The following NCALD variants were observed in gnomAD, a reference collection of about 807,000 sequenced individuals.
NCALD encodes the protein neurocalcin-delta.
Under a neutral mutation model 18.6 loss-of-function variants are expected in NCALD, and 10 were observed. The observed-to-expected ratio is 0.54, with a 90% CI of 0.33 to 0.91. The LOEUF is 0.91. Ranked by LOEUF, NCALD falls within the 40% of genes least tolerant of loss-of-function variation. NCALD has a pLI of 0.03. For synonymous variants in NCALD, 88 were observed against 87.4 expected (o/e 1.01, Z -0.04); for missense variants, 184 against 247.6 (o/e 0.74, Z 1.72).
intron 2 of NCALD, among the ~76,000 whole-genome samples, chr8:101,928,508 T>C (rs1818421165): frequency 6.6e-6 from 1 of 152,198 alleles, no homozygotes; most frequent in Admixed American, 6.5e-5. Flanking sequence ...TTAACCATTA[T>C]GAACATCAGA....
intron 2 of NCALD, among the ~76,000 whole-genome samples, chr8:101,935,043 CAAG>C (rs1261809796): frequency 6.6e-6 from 1 of 151,858 alleles, no homozygotes; most frequent in Non-Finnish European, 1.5e-5. Flanking sequence ...TTAAAGATCA[CAAG>C]AAGAATTAAA....
chr8:101,743,775 T>A (rs1225763406), intron 1 of NCALD, among the ~76,000 whole-genome samples: 1 of 152,182 alleles, frequency 6.6e-6, no homozygotes, highest in Non-Finnish European at 1.5e-5. Flanking sequence ...AAAAATGTCC[T>A]GAGGATGAGG....
chr8:102,059,978 T>A (rs534254635), intron 1 of NCALD, among the ~76,000 whole-genome samples: 8 of 152,098 alleles, frequency 5.3e-5, no homozygotes, highest in Non-Finnish European at 8.8e-5. Flanking sequence ...TGTTTTTGTT[T>A]TTTTGTTTTT....
intron 2 of NCALD, among the ~76,000 whole-genome samples, chr8:101,962,397 CTTGA>C (rs1316942101): frequency 6.6e-6 from 1 of 152,196 alleles, no homozygotes; most frequent in Non-Finnish European, 1.5e-5. Context: ...GCTTTCATTT[CTTGA>C]TTTGCTAAAG....
At chr8:101,739,216 C>T (rs936397072) in intron 1 of NCALD, among the ~76,000 whole-genome samples, 2 of 152,020 alleles carry the variant, frequency 1.3e-5, no homozygotes, top group Non-Finnish European at 2.9e-5. Context: ...GGCTCCTTAC[C>T]TCCTCATTAC....
chr8:102,038,698 C>T (rs1822953206), intron 1 of NCALD, among the ~76,000 whole-genome samples: 1 of 152,126 alleles, frequency 6.6e-6, no homozygotes, highest in Non-Finnish European at 1.5e-5. Flanking sequence ...TGGCTGAAAC[C>T]CCCAGGAGCT....
intron 2 of NCALD, among the ~76,000 whole-genome samples, chr8:101,968,125 A>C (rs1034318526): frequency 6.6e-6 from 1 of 152,142 alleles, no homozygotes; most frequent in Non-Finnish European, 1.5e-5. Context: ...AATGTCACCC[A>C]TCTACAGACC....
chr8:102,107,332 T>C (rs769664983), intron 1 of NCALD, among the ~76,000 whole-genome samples: 3 of 150,584 alleles, frequency 2.0e-5, no homozygotes, highest in Non-Finnish European at 3.0e-5. Context: ...TTGGATTTCT[T>C]AAGGAAAAAA....
chr8:102,024,889 C>T (rs2132115180), intron 1 of NCALD, among the ~76,000 whole-genome samples: 1 of 152,304 alleles, frequency 6.6e-6, no homozygotes, highest in South Asian at 2.1e-4. Context: ...ACAATGTCCT[C>T]CCTCACACCC....
intron 1 of NCALD, among the ~76,000 whole-genome samples, chr8:102,122,269 C>A (rs1468611527): frequency 6.6e-6 from 1 of 152,058 alleles, no homozygotes; most frequent in Non-Finnish European, 1.5e-5. Context: ...TGGGGGGAGG[C>A]TTGGGAGATG....
chr8:101,773,186 G>T (rs1811656397), intron 1 of NCALD, among the ~76,000 whole-genome samples: 2 of 152,024 alleles, frequency 1.3e-5, no homozygotes, highest in African/African-American at 4.8e-5. Flanking sequence ...CCATATCAGG[G>T]TCTACCAACT....
chr8:102,054,341 C>T (rs1009787257), intron 1 of NCALD, among the ~76,000 whole-genome samples: 1 of 151,988 alleles, frequency 6.6e-6, no homozygotes, highest in African/African-American at 2.4e-5. Flanking sequence ...CTTTTTAAAT[C>T]CGTAAATTAG....
chr8:102,012,637 G>A (rs1185621144), intron 2 of NCALD, among the ~76,000 whole-genome samples: 1 of 152,238 alleles, frequency 6.6e-6, no homozygotes, highest in Non-Finnish European at 1.5e-5. Context: ...GAGAAGCAAT[G>A]CAGAGGGATC....
intron 2 of NCALD, among the ~76,000 whole-genome samples, chr8:102,003,695 T>C (rs1821578369): frequency 6.6e-6 from 1 of 152,220 alleles, no homozygotes. Context: ...CAAGTGGGCT[T>C]CATCCCTGGG....
chr8:101,815,350 G>A (rs765347355), intron 4 of NCALD, among the ~76,000 whole-genome samples: 1 of 152,000 alleles, frequency 6.6e-6, no homozygotes. Flanking sequence ...AGGAGAAAAG[G>A]CAATACAATA....
intron 1 of NCALD, among the ~76,000 whole-genome samples, chr8:102,089,953 A>C (rs1460704467): frequency 6.6e-6 from 1 of 152,224 alleles, no homozygotes; most frequent in Non-Finnish European, 1.5e-5. Context: ...AAAAACTTGT[A>C]AAGGGTTATA....
chr8:102,072,563 AAAG>A (rs1211760385), intron 1 of NCALD, among the ~76,000 whole-genome samples: 29 of 152,264 alleles, frequency 1.9e-4, no homozygotes, highest in African/African-American at 6.3e-4. Flanking sequence ...TACTTAGAGA[AAAG>A]AAGAAAAGCC....
chr8:102,040,180 A>G (rs1158309924), intron 1 of NCALD, among the ~76,000 whole-genome samples: 2 of 152,166 alleles, frequency 1.3e-5, no homozygotes, highest in Admixed American at 6.5e-5. Context: ...TGCTATTTTT[A>G]TCAATGACAT....
intron 1 of NCALD, among the ~76,000 whole-genome samples, chr8:101,765,738 C>A (rs2130863094): frequency 2.0e-5 from 3 of 152,262 alleles, no homozygotes; most frequent in Admixed American, 2.0e-4. Context: ...TAAGGAAACT[C>A]CCTCGTTAAG....
Sources: gnomAD v4.1 joint callset for allele counts (sites outside exome capture counted in the v4.1 genomes callset) on GRCh38, gnomAD v4.1.1 for gene constraint, MANE v1.5 for transcripts, NCBI Gene and HGNC (gene_info 2026-07-23, HGNC 2026-07-21) for gene names.